SPAG17: variants seen among roughly 807,000 people sequenced by gnomAD.
SPAG17 encodes the protein sperm-associated antigen 17.
Under a neutral mutation model 273.6 loss-of-function variants are expected in SPAG17, and 169 were observed. The ratio of observed to expected loss-of-function variants is 0.62; its 90% CI spans 0.55 to 0.70. The LOEUF (loss-of-function observed/expected upper bound fraction) is 0.70, where lower values mean the gene tolerates loss of function less well. Among genes scored for constraint, SPAG17 ranks in the 30% least tolerant of loss-of-function variants. The probability of loss-of-function intolerance (pLI) is 0.00; values close to 1 mark genes in which losing one functional copy is unlikely to be tolerated. For missense variants in SPAG17, 2,557 were observed against 2,627.8 expected (o/e 0.97, Z 0.59); for synonymous variants, 825 against 873.2 (o/e 0.94, Z 0.97).
At chr1:118,173,301 A>T (rs925008448) in intron 1 of SPAG17, among the ~76,000 whole-genome samples, 1 of 152,216 alleles carries the variant, frequency 6.6e-6, no homozygotes, top group Non-Finnish European at 1.5e-5. Flanking sequence ...GTGTGGTGGT[A>T]TCATGGATGG....
intron 18 of SPAG17, among the ~76,000 whole-genome samples, chr1:118,058,380 G>C (rs562512398): frequency 6.6e-6 from 1 of 152,174 alleles, no homozygotes; most frequent in South Asian, 2.1e-4. Flanking sequence ...GCTAATTTTT[G>C]TATTTTTTGT....
rs1403654872 is a variant in SPAG17, at chr1:118,097,669, C to T, written c.1011+1G>A. On this transcript the variant is annotated splice_donor_variant, in intron 7 of 48. Transcript: ENST00000336338. LOFTEE classifies it high-confidence loss of function. ...GCACTCTCAGTAATGTGTGTACTAA[C>T]CATCATCTCACCATCTGACCAGTCA... 5.0e-6 allele frequency: 8 copies of T among 1,591,658 alleles called. No individual in the cohort carries two copies. Among genetic ancestry groups the T allele is most frequent in the Non-Finnish European group, 5.1e-6 (6 of 1,171,762 alleles).
chr1:118,000,234 T>C (rs1326574758), intron 32 of SPAG17, among the ~76,000 whole-genome samples: 1 of 152,226 alleles, frequency 6.6e-6, no homozygotes, highest in Non-Finnish European at 1.5e-5. Context: ...AGCCTTGTAG[T>C]ATAGTTTGAA....
At chr1:117,975,420 C>T (rs1655025848) in intron 43 of SPAG17, among the ~76,000 whole-genome samples, 1 of 152,152 alleles carries the variant, frequency 6.6e-6, no homozygotes. Context: ...CTGAGAAGTC[C>T]TAACTAATAT....
intron 1 of SPAG17, among the ~76,000 whole-genome samples, chr1:118,178,073 C>A (rs1035390124): frequency 1.3e-5 from 2 of 152,016 alleles, no homozygotes; most frequent in African/African-American, 4.8e-5. Flanking sequence ...TCTGTGATGC[C>A]AGCATTACCT....
intron 10 of SPAG17, among the ~76,000 whole-genome samples, chr1:118,090,303 C>T (rs1425818508): frequency 6.6e-6 from 1 of 152,094 alleles, no homozygotes; most frequent in Non-Finnish European, 1.5e-5. Context: ...CACAGGAAGC[C>T]TCAGGAAATT....
intron 40 of SPAG17, among the ~76,000 whole-genome samples, chr1:117,987,136 G>A (rs1285872070): frequency 2.0e-5 from 3 of 151,924 alleles, no homozygotes; most frequent in Non-Finnish European, 4.4e-5. Flanking sequence ...CATTTATTTG[G>A]GTCTTCATTT....
intron 15 of SPAG17, chr1:118,076,355 T>C (rs901825683): frequency 1.3e-5 from 2 of 152,208 alleles, no homozygotes; most frequent in African/African-American, 4.8e-5. Context: ...TAGTTCCATC[T>C]TGCCTTGGGC....
intron 25 of SPAG17, among the ~76,000 whole-genome samples, chr1:118,029,932 C>T (rs1452672800): frequency 1.3e-5 from 2 of 152,082 alleles, no homozygotes; most frequent in African/African-American, 4.8e-5. Flanking sequence ...GAGAAAAATG[C>T]TTATGAAATT....
intron 3 of SPAG17, among the ~76,000 whole-genome samples, chr1:118,118,233 A>G (rs1259668290): frequency 1.3e-5 from 2 of 152,224 alleles, no homozygotes; most frequent in African/African-American, 2.4e-5. Flanking sequence ...TGTATTAATT[A>G]AAAGAATAAA....
chr1:118,161,080 A>T (rs1440354410), intron 1 of SPAG17, among the ~76,000 whole-genome samples: 3 of 152,272 alleles, frequency 2.0e-5, no homozygotes, highest in African/African-American at 7.2e-5. Flanking sequence ...GACTAAATGT[A>T]TATGATGTAA....
At chr1:118,044,777 C>G (rs535020578) in intron 20 of SPAG17, among the ~76,000 whole-genome samples, 3 of 152,218 alleles carry the variant, frequency 2.0e-5, no homozygotes, top group East Asian at 3.9e-4. Context: ...AGCACCTCCC[C>G]CTTCATTCTC....
At chr1:118,026,039 C>CT (rs1318789280) in intron 26 of SPAG17, among the ~76,000 whole-genome samples, 2 of 152,188 alleles carry the variant, frequency 1.3e-5, no homozygotes, top group Admixed American at 1.3e-4. Flanking sequence ...TTCCTGCCCA[C>CT]TGGTGCCTAT....
intron 20 of SPAG17, among the ~76,000 whole-genome samples, chr1:118,048,788 C>T (rs553280925): frequency 1.7e-4 from 26 of 151,992 alleles, no homozygotes; most frequent in Non-Finnish European, 2.9e-4. Context: ...TCCAGCTACT[C>T]GGGAGGCTGA....
intron 24 of SPAG17, among the ~76,000 whole-genome samples, chr1:118,032,526 C>G (rs558756172): frequency 6.6e-6 from 1 of 151,862 alleles, no homozygotes; most frequent in Non-Finnish European, 1.5e-5. Context: ...TACCTCTAGT[C>G]ATTTTTTTTC....
intron 28 of SPAG17, among the ~76,000 whole-genome samples, chr1:118,020,001 C>T (rs1660346223): frequency 6.6e-6 from 1 of 152,128 alleles, no homozygotes; most frequent in African/African-American, 2.4e-5. Context: ...TTATAAGAGA[C>T]ACATTTAAAC....
chr1:118,145,973 AT>A (rs144730620), intron 3 of SPAG17, among the ~76,000 whole-genome samples: 8,716 of 152,148 alleles, frequency 0.057, 613 homozygotes, highest in African/African-American at 0.17. Flanking sequence ...ATCACGGCCC[AT>A]TTGTGTGGAT....
chr1:118,015,852 A>C, intron 29 of SPAG17, 113 bp downstream of exon 29: 1 of 905,062 alleles, frequency 1.1e-6, no homozygotes, highest in Non-Finnish European at 1.7e-6. Flanking sequence ...CCATCCATCC[A>C]CTACTTAACA....
intron 31 of SPAG17, 101 bp downstream of exon 31, chr1:118,007,943 G>A: frequency 1.6e-6 from 2 of 1,221,380 alleles, no homozygotes; most frequent in Non-Finnish European, 2.4e-6. Context: ...GAAAGCAACA[G>A]CAGTGTACAT....
Sources: allele counts gnomAD v4.1 joint callset (sites outside exome capture counted in the v4.1 genomes callset), GRCh38; gene constraint gnomAD v4.1.1; transcripts MANE v1.5; gene names NCBI Gene and HGNC (gene_info 2026-07-23, HGNC 2026-07-21).